The following MYCBP2 variants were observed in gnomAD, a reference collection of about 807,000 sequenced individuals.
MYCBP2 encodes the protein MYC binding protein 2.
In MYCBP2, 120 loss-of-function variants were observed where a neutral mutation model predicts 525.3. The ratio of observed to expected loss-of-function variants is 0.23; its 90% CI spans 0.20 to 0.27. MYCBP2 has a LOEUF of 0.27. Among genes scored for constraint, MYCBP2 ranks in the 10% least tolerant of loss-of-function variants. MYCBP2 has a pLI of 1.00. For synonymous variants in MYCBP2, 1,894 were observed against 1,955.8 expected (o/e 0.97, Z 0.83); for missense variants, 4,149 against 5,657.1 (o/e 0.73, Z 8.55).
At chr13:77,087,355 AGC>A in intron 62 of MYCBP2, 127 bp downstream of exon 62, 1 of 791,330 alleles carries the variant, frequency 1.3e-6, no homozygotes, top group Non-Finnish European at 2.0e-6. Flanking sequence ...CTTTGCCCAT[AGC>A]ACTAAAATAT....
In MYCBP2 at chr13:77,206,642, C is replaced by A. The variant is rs761061873; in HGVS notation, c.3589+11G>T. Reference sequence around the variant, plus strand: ...AATGTGAATTAATGGTACATCAAATCGCAACCCTACCTAAAATGTGCAAAG... The same window carrying A: ...AATGTGAATTAATGGTACATCAAATAGCAACCCTACCTAAAATGTGCAAAG... On this transcript the variant is annotated intron_variant, in intron 24 of 82. Transcript: ENST00000544440. 2.6e-6 allele frequency: 4 copies of A among 1,551,514 alleles called. No individual in the cohort carries two copies. The highest frequency in any genetic ancestry group is 2.5e-5 in the South Asian group (2 of 79,964).
Position 77,261,161 on chromosome 13 carries a change from C to A in MYCBP2, c.1852+10G>T, listed in dbSNP as rs780787095. 9.4e-6 allele frequency: 15 copies of A among 1,596,590 alleles called. No individual in the cohort carries two copies. Among genetic ancestry groups the A allele is most frequent in the African/African-American group, 1.3e-5 (1 of 74,492 alleles). On this transcript the variant is annotated intron_variant, in intron 12 of 82. Transcript: ENST00000544440. ...TTTTTATTAAATGCATAGTTGATCA[C>A]TCAACTTACTTGATTCTCCATCTTC...
intron 15 of MYCBP2, among the ~76,000 whole-genome samples, chr13:77,250,051 G>A (rs909099174): frequency 2.6e-5 from 4 of 151,886 alleles, no homozygotes; most frequent in South Asian, 4.2e-4. Flanking sequence ...GTGAAACCCC[G>A]TCTCTACTAA....
chr13:77,059,179 G>C (rs2038796905), intron 77 of MYCBP2, among the ~76,000 whole-genome samples: 1 of 151,796 alleles, frequency 6.6e-6, no homozygotes, highest in Non-Finnish European at 1.5e-5. Context: ...CAGGATTAAA[G>C]AACTCTTAGA....
intron 1 of MYCBP2, among the ~76,000 whole-genome samples, chr13:77,316,230 G>C (rs2080918925): frequency 6.6e-6 from 1 of 152,082 alleles, no homozygotes; most frequent in African/African-American, 2.4e-5. Context: ...AGAGATACAA[G>C]GTTAACATTC....
intron 65 of MYCBP2, among the ~76,000 whole-genome samples, chr13:77,079,401 A>G (rs1162495155): frequency 6.6e-6 from 1 of 152,192 alleles, no homozygotes; most frequent in Non-Finnish European, 1.5e-5. Context: ...ACACAAAATA[A>G]ATGTCAAACA....
At chr13:77,087,380 C>A in intron 62 of MYCBP2, 104 bp downstream of exon 62, 1 of 1,019,942 alleles carries the variant, frequency 9.8e-7, no homozygotes, top group Non-Finnish European at 1.4e-6. Flanking sequence ...TTTTTGCTTT[C>A]AAGTTAGATC....
chr13:77,083,170 T>G lies in MYCBP2; in HGVS notation c.10898A>C (p.Glu3633Ala), dbSNP rs1594355699. 2 of 1,613,164 alleles carry G rather than the reference T, an allele frequency of 1.2e-6. No individual in the cohort carries two copies. Among genetic ancestry groups the G allele is most frequent in the East Asian group, 4.5e-5 (2 of 44,842 alleles). Residue 3633 changes from glutamate to alanine, a missense_variant, in exon 63 of 83, where the codon GAA becomes GCA. Physicochemically the swap from Glu to Ala is moderately radical, Grantham distance 107. Coordinates refer to ENST00000544440, the MANE Select transcript of MYCBP2 (RefSeq NM_015057.5). Reference sequence around the variant, plus strand: ...AATCACTATGTCTGAGAGTGGATGTTCACATACTCTTGTATCTTTCTCCTA... The same window carrying G: ...AATCACTATGTCTGAGAGTGGATGTGCACATACTCTTGTATCTTTCTCCTA... ...SEQEKDTRVC[E>A]HPLSDIVIAG...
At chr13:77,223,752 G>A (rs1285032587) in intron 20 of MYCBP2, among the ~76,000 whole-genome samples, 1 of 152,144 alleles carries the variant, frequency 6.6e-6, no homozygotes, top group Non-Finnish European at 1.5e-5. Context: ...AGCAAGCTGG[G>A]AAGAGAGAAG....
intron 2 of MYCBP2, among the ~76,000 whole-genome samples, chr13:77,294,129 T>TATATATACATATATATATATATATATAC (rs1450128273): frequency 3.8e-5 from 1 of 26,132 alleles, no homozygotes; most frequent in Non-Finnish European, 1.1e-4. Flanking sequence ...TATATATATA[T>TATATATACATATATATATATATATATAC]ACATATATAT....
chr13:77,087,515 T>C lies in MYCBP2; in HGVS notation c.10844A>G (p.Glu3615Gly), dbSNP rs376456478. The change falls in exon 62 of 83, where the codon GAA becomes GGA. Residue 3615 changes from glutamate (E) to glycine (G), a missense_variant. Around this residue, in one of 21 missense-constraint regions of MYCBP2, gnomAD observed 509 missense variants for 789.4 expected, o/e 0.64. Coordinates refer to ENST00000544440, the MANE Select transcript of MYCBP2 (RefSeq NM_015057.5). The part of the protein sequence containing the change: ...PVEPEEEEDE[E>G]NKTSKENSEQ... ...TGAATTTTCTTTGCTTGTTTTATTTTCTTCATCCTCTTCTTCCTCTGGTTC... is the reference window on the plus strand; with the variant it reads ...TGAATTTTCTTTGCTTGTTTTATTTCCTTCATCCTCTTCTTCCTCTGGTTC... The C allele has an allele frequency of 1.2e-6, 2 of 1,612,488 alleles. No homozygotes were observed. Among genetic ancestry groups the C allele is most frequent in the Non-Finnish European group, 1.7e-6 (2 of 1,179,256 alleles).
intron 21 of MYCBP2, among the ~76,000 whole-genome samples, chr13:77,214,904 A>C (rs778335114): frequency 6.6e-6 from 1 of 152,176 alleles, no homozygotes; most frequent in Non-Finnish European, 1.5e-5. Flanking sequence ...ACTGACCAAA[A>C]TACTGTTATA....
intron 55 of MYCBP2, among the ~76,000 whole-genome samples, chr13:77,116,341 C>T (rs1248553310): frequency 6.6e-6 from 1 of 151,874 alleles, no homozygotes; most frequent in Non-Finnish European, 1.5e-5. Flanking sequence ...AGGTGATATA[C>T]TAGTGGGATA....
At chr13:77,156,503 C>T (rs954339342) in intron 45 of MYCBP2, among the ~76,000 whole-genome samples, 10 of 152,164 alleles carry the variant, frequency 6.6e-5, no homozygotes, top group South Asian at 2.1e-4. Context: ...ACCAAGAACA[C>T]GAATGTAGGT....
intron 52 of MYCBP2, among the ~76,000 whole-genome samples, chr13:77,131,805 TACTGGGAATCTA>T (rs1395483412): frequency 6.6e-6 from 1 of 152,104 alleles, no homozygotes; most frequent in Non-Finnish European, 1.5e-5. Flanking sequence ...AATTAAAGCA[TACTGGGAATCTA>T]ACTAAATTAA....
At position 77,061,437 on chromosome 13, in the gene MYCBP2, C is replaced by G. The variant is rs374883170; in HGVS notation, c.12904-136G>C. 1.7e-5 allele frequency: 15 copies of G among 907,892 alleles called. 1 individual carries two copies. Among genetic ancestry groups the G allele is most frequent in the East Asian group, 5.6e-5 (2 of 35,540 alleles). 56.2% of individuals were successfully genotyped at this position (907,892 alleles called of 1,614,324 possible). ...AGAAGTTTTGAATATTTCCAATCTT[C>G]TCTTTAATCTTCACAGCAGTCCCTT... is the stretch of plus-strand genomic sequence containing the variant. On this transcript the variant is annotated intron_variant, in intron 75 of 82. Coordinates refer to ENST00000544440, the MANE Select transcript of MYCBP2 (RefSeq NM_015057.5).
chr13:77,106,429 C>A (rs1409655511), intron 55 of MYCBP2, among the ~76,000 whole-genome samples: 1 of 152,046 alleles, frequency 6.6e-6, no homozygotes, highest in African/African-American at 2.4e-5. Context: ...ACAGGCTATT[C>A]AGAAGGACAA....
chr13:77,089,652 T>C (rs2045037947), intron 60 of MYCBP2, among the ~76,000 whole-genome samples: 1 of 151,962 alleles, frequency 6.6e-6, no homozygotes, highest in African/African-American at 2.4e-5. Context: ...TAACTGTTTT[T>C]TTTTTTTTTT....
chr13:77,186,076 A>G lies in MYCBP2; in HGVS notation c.4252-13T>C, dbSNP rs780945113. On this transcript the variant is annotated splice_polypyrimidine_tract_variant and intron_variant, in intron 30 of 82. Transcript: ENST00000544440. The stretch of plus-strand genomic sequence containing the variant: ...ACTCAAAACATTCCTAATCCAGAAT[A>G]TGAAAAAACAGACAACAATTAATTC... 4.6e-6 allele frequency: 7 copies of G among 1,531,874 alleles called. No homozygotes were observed. Among genetic ancestry groups the G allele is most frequent in the Non-Finnish European group, 6.1e-6 (7 of 1,138,276 alleles). The allele number at this position is 1,531,874 out of a possible 1,614,324, so 94.9% of individuals were successfully genotyped here. A position where few individuals can be genotyped will look rare whatever the true frequency, so the allele number is the denominator to read the frequency against.
Sources: gnomAD v4.1 joint callset for allele counts (sites outside exome capture counted in the v4.1 genomes callset) on GRCh38, gnomAD v4.1.1 for gene constraint, gnomAD v4.1.1 regional missense constraint, MANE v1.5 for transcripts, NCBI Gene and HGNC (gene_info 2026-07-23, HGNC 2026-07-21) for gene names.